The following ARK2C variants were observed in gnomAD, a reference collection of about 807,000 sequenced individuals.
ARK2C encodes the protein E3 ubiquitin-protein ligase ARK2C.
chr18:46,390,884 C>T, the ARK2C span, among the ~76,000 whole-genome samples: 1 of 152,162 alleles, frequency 6.6e-6, no homozygotes, highest in South Asian at 2.1e-4. Flanking sequence ...GGATAAATCA[C>T]TTGAGGAAGC....
chr18:46,357,422 T>C, the ARK2C span, among the ~76,000 whole-genome samples: 4 of 152,154 alleles, frequency 2.6e-5, no homozygotes, highest in South Asian at 4.1e-4. Flanking sequence ...TTGTGAAAAG[T>C]GCTGAGGATC....
chr18:46,336,530 G>A, the ARK2C span: 5 of 985,314 alleles, frequency 5.1e-6, no homozygotes, highest in African/African-American at 1.7e-5. Flanking sequence ...ATGACCTTCC[G>A]ATAGAGGATA....
chr18:46,340,764 G>A, the ARK2C span, among the ~76,000 whole-genome samples: 264 of 152,318 alleles, frequency 1.7e-3, no homozygotes, highest in African/African-American at 6.0e-3. Context: ...TACCTGGCAC[G>A]CGGCAGGTGC....
chr18:46,436,276 A>ATGTG, the ARK2C span, among the ~76,000 whole-genome samples: 1 of 151,454 alleles, frequency 6.6e-6, no homozygotes, highest in Non-Finnish European at 1.5e-5. Flanking sequence ...GTATATATGT[A>ATGTG]TGTGTGTGTG....
the ARK2C span, chr18:46,450,582 G>A: frequency 1.2e-6 from 1 of 838,380 alleles, no homozygotes; most frequent in South Asian, 1.5e-5. Flanking sequence ...CATCAGATGA[G>A]TTCTTCCTGA....
At chr18:46,381,968 C>T in the ARK2C span, among the ~76,000 whole-genome samples, 1 of 152,176 alleles carries the variant, frequency 6.6e-6, no homozygotes, top group East Asian at 1.9e-4. Context: ...CAGGGCCTCC[C>T]TTCTCTTAGG....
At chr18:46,461,058 G>C in the ARK2C span, 9 of 152,258 alleles carry the variant, frequency 5.9e-5, no homozygotes, top group African/African-American at 2.2e-4. Context: ...TCCAACTCCA[G>C]AATTGGAGCC....
the ARK2C span, among the ~76,000 whole-genome samples, chr18:46,339,367 G>A: frequency 1.3e-5 from 2 of 152,112 alleles, no homozygotes; most frequent in African/African-American, 4.8e-5. Context: ...TACATTTTGA[G>A]GATGATTAGT....
the ARK2C span, among the ~76,000 whole-genome samples, chr18:46,401,706 A>T: frequency 3.3e-5 from 5 of 152,222 alleles, no homozygotes; most frequent in Non-Finnish European, 5.9e-5. Context: ...CAAATCCTCA[A>T]GTCAGCCCCG....
At chr18:46,433,697 G>A in the ARK2C span, among the ~76,000 whole-genome samples, 1 of 152,232 alleles carries the variant, frequency 6.6e-6, no homozygotes, top group Non-Finnish European at 1.5e-5. Context: ...TCTGTAGGAA[G>A]TAGCTATTGT....
the ARK2C span, among the ~76,000 whole-genome samples, chr18:46,372,739 T>C: frequency 0.013 from 1,908 of 152,362 alleles, 20 homozygotes; most frequent in Non-Finnish European, 0.021. Flanking sequence ...CTGTTACCTG[T>C]GGCCAGGCTG....
the ARK2C span, among the ~76,000 whole-genome samples, chr18:46,366,153 G>A: frequency 4.0e-5 from 6 of 151,878 alleles, no homozygotes; most frequent in South Asian, 2.1e-4. Flanking sequence ...TTAGCCGGGC[G>A]TGGTGGCACA....
the ARK2C span, chr18:46,456,747 G>A: frequency 1.3e-6 from 1 of 780,138 alleles, no homozygotes; most frequent in Non-Finnish European, 2.3e-6. Flanking sequence ...GGAAAAGCCT[G>A]CAAGCACATT....
the ARK2C span, chr18:46,456,419 A>G: frequency 1.4e-5 from 12 of 844,086 alleles, no homozygotes; most frequent in Middle Eastern, 2.3e-4. Context: ...GCCTCCCTCC[A>G]TAGCCGGGCA....
chr18:46,336,534 G>A, the ARK2C span: 1 of 985,466 alleles, frequency 1.0e-6, no homozygotes, highest in Non-Finnish European at 1.2e-6. Flanking sequence ...CCTTCCGATA[G>A]AGGATACTAA....
the ARK2C span, chr18:46,387,117 C>T: frequency 6.6e-6 from 1 of 152,334 alleles, no homozygotes; most frequent in Non-Finnish European, 1.5e-5. Context: ...TTGGTGGTCT[C>T]ACAGCAGTGA....
chr18:46,427,079 G>A, the ARK2C span, among the ~76,000 whole-genome samples: 2 of 152,350 alleles, frequency 1.3e-5, no homozygotes, highest in Non-Finnish European at 2.9e-5. Context: ...GAGGCCCCAG[G>A]GGGCAAGGTG....
At chr18:46,438,419 A>G in the ARK2C span, among the ~76,000 whole-genome samples, 3 of 152,246 alleles carry the variant, frequency 2.0e-5, no homozygotes, top group East Asian at 1.9e-4. Context: ...CATTTGAGGG[A>G]CAAGGTGCCT....
At chr18:46,355,122 G>GT in the ARK2C span, among the ~76,000 whole-genome samples, 370 of 146,672 alleles carry the variant, frequency 2.5e-3, no homozygotes, top group African/African-American at 6.2e-3. Context: ...GCTAATTTTT[G>GT]TTTTTTTTTT....
Sources: allele counts gnomAD v4.1 joint callset (sites outside exome capture counted in the v4.1 genomes callset), GRCh38; gene constraint gnomAD v4.1.1; transcripts MANE v1.5; gene names NCBI Gene and HGNC (gene_info 2026-07-23, HGNC 2026-07-21).